CNTNAP5: variants seen among roughly 807,000 people sequenced by gnomAD.
CNTNAP5 encodes the protein contactin-associated protein-like 5.
Under a neutral mutation model 150.2 loss-of-function variants are expected in CNTNAP5, and 72 were observed. The observed-to-expected ratio is 0.48, with a 90% CI of 0.40 to 0.58. CNTNAP5 has a LOEUF of 0.58. Ranked by LOEUF, CNTNAP5 falls within the 20% of genes least tolerant of loss-of-function variation. The pLI is 0.00. For missense variants in CNTNAP5, 1,636 were observed against 1,626.2 expected, an observed-to-expected ratio of 1.01 and a Z score of -0.10; for synonymous variants, 672 against 619.8, an observed-to-expected ratio of 1.08 and a Z score of -1.25.
At chr2:124,571,646 C>T (rs537271467) in intron 11 of CNTNAP5, among the ~76,000 whole-genome samples, 2 of 143,106 alleles carry the variant, frequency 1.4e-5, no homozygotes, top group Admixed American at 1.5e-4. Context: ...GATTCTCCTA[C>T]CTCAGCCTCC....
At chr2:124,703,076 A>G (rs1054825066) in intron 13 of CNTNAP5, among the ~76,000 whole-genome samples, 13 of 151,900 alleles carry the variant, frequency 8.6e-5, no homozygotes, top group African/African-American at 2.9e-4. Flanking sequence ...CTGTTCATAA[A>G]CCTCCATATG....
At chr2:124,788,500 C>T (rs1573617927) in intron 17 of CNTNAP5, among the ~76,000 whole-genome samples, 1 of 152,098 alleles carries the variant, frequency 6.6e-6, no homozygotes, top group African/African-American at 2.4e-5. Context: ...GTAACTGGTT[C>T]TAGCCATTGT....
At chr2:124,656,238 C>A (rs1215869022) in intron 13 of CNTNAP5, among the ~76,000 whole-genome samples, 1 of 152,028 alleles carries the variant, frequency 6.6e-6, no homozygotes, top group Non-Finnish European at 1.5e-5. Context: ...AGGGCAGAGT[C>A]GAGAGTCAAA....
At chr2:124,109,924 A>G (rs531858200) in intron 1 of CNTNAP5, among the ~76,000 whole-genome samples, 26 of 152,338 alleles carry the variant, frequency 1.7e-4, no homozygotes, top group African/African-American at 6.3e-4. Context: ...TCCTAGAAGT[A>G]ATTTAAGTAC....
At chr2:124,786,589 AAGAG>A (rs950604347) in intron 17 of CNTNAP5, among the ~76,000 whole-genome samples, 1 of 151,970 alleles carries the variant, frequency 6.6e-6, no homozygotes, top group East Asian at 1.9e-4. Context: ...AGAAAAAAGA[AAGAG>A]AAAGAAAGGT....
chr2:124,623,223 C>T (rs1677653674), intron 12 of CNTNAP5, among the ~76,000 whole-genome samples: 1 of 152,092 alleles, frequency 6.6e-6, no homozygotes, highest in South Asian at 2.1e-4. Context: ...AATCTCATGT[C>T]CTTGTGGGAA....
intron 13 of CNTNAP5, among the ~76,000 whole-genome samples, chr2:124,670,933 T>G (rs1179274664): frequency 6.6e-6 from 1 of 152,188 alleles, no homozygotes; most frequent in Non-Finnish European, 1.5e-5. Flanking sequence ...TATGTAAGCA[T>G]GTTTTTAGAC....
At chr2:124,609,203 AG>A (rs1364052986) in intron 11 of CNTNAP5, among the ~76,000 whole-genome samples, 1 of 152,220 alleles carries the variant, frequency 6.6e-6, no homozygotes, top group Non-Finnish European at 1.5e-5. Flanking sequence ...CATAGAGATA[AG>A]CAAAGAGGAG....
chr2:124,655,941 G>GAAAGAAAGAAAGAA (rs1180720883), intron 13 of CNTNAP5, among the ~76,000 whole-genome samples: 1,308 of 57,668 alleles, frequency 0.023, 15 homozygotes, highest in African/African-American at 0.027. Context: ...GAGAGAGAGA[G>GAAAGAAAGAAAGAA]AGAGAGAAAG....
intron 11 of CNTNAP5, among the ~76,000 whole-genome samples, chr2:124,591,442 G>A (rs1007695336): frequency 6.6e-6 from 1 of 152,020 alleles, no homozygotes; most frequent in Non-Finnish European, 1.5e-5. Flanking sequence ...CTTTACCAAA[G>A]GTTAAACAAG....
chr2:124,628,988 G>A (rs890917335), intron 12 of CNTNAP5, among the ~76,000 whole-genome samples: 1 of 152,140 alleles, frequency 6.6e-6, no homozygotes, highest in Non-Finnish European at 1.5e-5. Flanking sequence ...TCATGCTGAA[G>A]CGTTCAATTC....
At chr2:124,651,043 A>G in intron 13 of CNTNAP5, among the ~76,000 whole-genome samples, 1 of 152,306 alleles carries the variant, frequency 6.6e-6, no homozygotes, top group Non-Finnish European at 1.5e-5. Flanking sequence ...CATACTCCCA[A>G]CGACACTATG....
chr2:124,302,481 A>G (rs929140643), intron 3 of CNTNAP5, among the ~76,000 whole-genome samples: 7 of 152,154 alleles, frequency 4.6e-5, no homozygotes, highest in African/African-American at 1.7e-4. Flanking sequence ...GCATCATCCC[A>G]TGGCAGAATG....
At chr2:124,551,751 G>T (rs184141696) in intron 10 of CNTNAP5, among the ~76,000 whole-genome samples, 2 of 152,276 alleles carry the variant, frequency 1.3e-5, no homozygotes, top group African/African-American at 4.8e-5. Context: ...TGAACATTTG[G>T]GAATTTCAAA....
At chr2:124,492,420 T>C (rs1253870533) in intron 7 of CNTNAP5, among the ~76,000 whole-genome samples, 2 of 152,226 alleles carry the variant, frequency 1.3e-5, no homozygotes, top group Non-Finnish European at 2.9e-5. Flanking sequence ...CTGAGTTCTT[T>C]GTTCTGTTGA....
At chr2:124,239,593 A>G (rs1192616874) in intron 2 of CNTNAP5, among the ~76,000 whole-genome samples, 1 of 152,170 alleles carries the variant, frequency 6.6e-6, no homozygotes, top group East Asian at 1.9e-4. Context: ...AAAAATCAGA[A>G]GAGTATAAAA....
At chr2:124,463,834 G>A (rs1426834014) in intron 6 of CNTNAP5, among the ~76,000 whole-genome samples, 1 of 152,124 alleles carries the variant, frequency 6.6e-6, no homozygotes, top group African/African-American at 2.4e-5. Flanking sequence ...TGTGTGTGTG[G>A]CACTTAGAGT....
intron 1 of CNTNAP5, among the ~76,000 whole-genome samples, chr2:124,053,585 C>T (rs932953454): frequency 1.3e-5 from 2 of 152,156 alleles, no homozygotes; most frequent in Non-Finnish European, 2.9e-5. Flanking sequence ...TCTATTTCTT[C>T]AGCTGAGAAA....
chr2:124,051,371 T>C (rs1681691123), intron 1 of CNTNAP5, among the ~76,000 whole-genome samples: 1 of 152,332 alleles, frequency 6.6e-6, no homozygotes, highest in East Asian at 1.9e-4. Flanking sequence ...TCCCAGAGTA[T>C]TTGATGCTGC....
Sources: gnomAD v4.1 joint callset for allele counts (sites outside exome capture counted in the v4.1 genomes callset) on GRCh38, gnomAD v4.1.1 for gene constraint, MANE v1.5 for transcripts, NCBI Gene and HGNC (gene_info 2026-07-23, HGNC 2026-07-21) for gene names.